The following ELK4 variants were observed in gnomAD, a reference collection of about 807,000 sequenced individuals.
The protein encoded by ELK4 is ETS domain-containing protein Elk-4.
In ELK4, 16 loss-of-function variants were observed where a neutral mutation model predicts 29.6. The ratio of observed to expected loss-of-function variants is 0.54; its 90% confidence interval spans 0.37 to 0.82. ELK4 has a LOEUF of 0.82. Ranked by LOEUF, ELK4 falls within the 40% of genes least tolerant of loss-of-function variation. ELK4 has a pLI of 0.00. For synonymous variants in ELK4, 213 were observed against 191.1 expected (o/e 1.11, Z -0.95); for missense variants, 465 against 507.1 (o/e 0.92, Z 0.80).
chr1:205,610,029 T>C lies in ELK4; in HGVS notation c.*6517A>G, dbSNP rs1376028245. 3 of 231,108 alleles carry C rather than the reference T, an allele frequency of 1.3e-5. No individual in the cohort carries two copies. Among genetic ancestry groups the C allele is most frequent in the East Asian group, 6.1e-5 (1 of 16,302 alleles). The allele number at this position is 231,108 out of a possible 1,614,324, so 14.3% of individuals were successfully genotyped here. A position where few individuals can be genotyped will look rare whatever the true frequency, so the allele number is the denominator to read the frequency against. ...ATTAAGTGCTTCCAGTTATTAAAAA[T>C]GAAACAGTGCTAATATTGGTGCCCA... On this transcript the variant is annotated 3_prime_UTR_variant, in exon 5 of 5. Transcript: ENST00000357992.
chr1:205,620,036 T>C lies in ELK4; in HGVS notation c.1010A>G (p.Asp337Gly), dbSNP rs760999673. The C allele has an allele frequency of 1.7e-5, 28 of 1,614,226 alleles. No homozygotes were observed. Among genetic ancestry groups the C allele is most frequent in the Non-Finnish European group, 2.3e-5 (27 of 1,180,042 alleles). Residue 337 changes from aspartate to glycine, a missense_variant, in exon 3 of 5, where the codon GAT (aspartate) becomes GGT (glycine). This residue lies in a region of ELK4 where 80 missense variants were observed against 119.6 expected (regional missense o/e 0.67). Coordinates refer to ENST00000357992, the MANE Select transcript of ELK4 (RefSeq NM_001973.4). ...LAPTLVITSS[D>G]PSPLGILSPS... ...GCTCAGTATTCCCAGTGGGCTTGGA[T>C]CACTGCTCGTGATCACAAGGGTGGG...
At chr1:205,622,024 G>A (rs1328903820) in intron 2 of ELK4, among the ~76,000 whole-genome samples, 20 of 151,888 alleles carry the variant, frequency 1.3e-4, no homozygotes, top group Admixed American at 7.9e-4. Flanking sequence ...CCAGCCTCCC[G>A]TAGAGATGGT....
chr1:205,620,099 GAATT>G lies in ELK4; in HGVS notation c.943_946del (p.Asn315HisfsTer10). The G allele has an allele frequency of 6.2e-7, 1 of 1,614,230 alleles. No homozygotes were observed. Among genetic ancestry groups the G allele is most frequent in the Non-Finnish European group, 8.5e-7 (1 of 1,180,038 alleles). On this transcript the variant is annotated frameshift_variant, in exon 3 of 5. Coordinates refer to ENST00000357992, the MANE Select transcript of ELK4 (RefSeq NM_001973.4). LOFTEE classifies it high-confidence loss of function. ...CCCTTTGGGTTTCTTGGATCTTGATGAATTATTTACTTTGTCCTTTTCTAGCAAG... is the reference window on the plus strand; with the variant it reads ...CCCTTTGGGTTTCTTGGATCTTGATGATTTACTTTGTCCTTTTCTAGCAAG...
intron 1 of ELK4, among the ~76,000 whole-genome samples, chr1:205,627,014 C>A (rs1284934517): frequency 2.0e-5 from 3 of 152,140 alleles, no homozygotes; most frequent in African/African-American, 7.2e-5. Flanking sequence ...ACCTTGAAAA[C>A]ATTATGCAAG....
chr1:205,625,031 C>CA lies in ELK4; in HGVS notation c.-9-1141dup, dbSNP rs551583596. Among the ~76,000 whole-genome samples the CA allele has an allele frequency of 8.9e-3, 1,333 of 149,102 alleles. 17 individuals carry two copies. Among genetic ancestry groups the CA allele is most frequent in the African/African-American group, 0.023 (938 of 40,610 alleles). On this transcript the variant is annotated intron_variant, in intron 1 of 4. Transcript: ENST00000357992. ...CTTATGATTGAATACTTCACACACA[C>CA]AAAAAAAAACAAAAACAAAAAACCT...
chr1:205,624,118 CCAGG>C (rs1246142523), intron 1 of ELK4, among the ~76,000 whole-genome samples: 1 of 152,042 alleles, frequency 6.6e-6, no homozygotes, highest in African/African-American at 2.4e-5. Context: ...AGATCTAAGC[CCAGG>C]CAATCTGGAC....
Position 205,614,126 on chromosome 1 carries a change from T to TCACACCTCTGAGAGGC in ELK4, c.*2404_*2419dup, listed in dbSNP as rs1670194698. 2 of 222,408 alleles carry TCACACCTCTGAGAGGC rather than the reference T, an allele frequency of 9.0e-6. No individual in the cohort carries two copies. The highest frequency in any genetic ancestry group is 5.8e-5 in the Admixed American group (1 of 17,380). The allele number at this position is 222,408 out of a possible 1,614,324, so 13.8% of individuals were successfully genotyped here. A position where few individuals can be genotyped will look rare whatever the true frequency, so the allele number is the denominator to read the frequency against. ...AGCAGATCACCAATCTGTGACAGCC[T>TCACACCTCTGAGAGGC]CACACCTCTGAGAGGCTATAGATTT... On this transcript the variant is annotated 3_prime_UTR_variant, in exon 5 of 5. Coordinates refer to ENST00000357992, the MANE Select transcript of ELK4 (RefSeq NM_001973.4).
intron 3 of ELK4, chr1:205,619,520 T>C: frequency 4.5e-6 from 5 of 1,107,568 alleles, no homozygotes; most frequent in Non-Finnish European, 5.5e-6. Context: ...TAAAATGTTC[T>C]ATGAGATGAG....
chr1:205,626,501 T>C (rs1480614867), intron 1 of ELK4, among the ~76,000 whole-genome samples: 1 of 151,852 alleles, frequency 6.6e-6, no homozygotes, highest in East Asian at 1.9e-4. Context: ...ACTACCTTTT[T>C]GGGGGGTAGT....
intron 4 of ELK4, among the ~76,000 whole-genome samples, chr1:205,618,629 G>T (rs902381295): frequency 1.3e-5 from 2 of 152,160 alleles, no homozygotes; most frequent in African/African-American, 4.8e-5. Flanking sequence ...TTGGAGACCA[G>T]TCTGGACAAC....
At chr1:205,626,139 G>GTCTA in intron 1 of ELK4, 1 of 717,376 alleles carries the variant, frequency 1.4e-6, no homozygotes, top group South Asian at 1.4e-5. Flanking sequence ...TGACCAAAGT[G>GTCTA]TCTACAGTCT....
At chr1:205,626,209 T>C in intron 1 of ELK4, 1 of 565,212 alleles carries the variant, frequency 1.8e-6, no homozygotes. Flanking sequence ...GTGGCCTCCC[T>C]TTCTTGACCT....
chr1:205,624,705 T>C (rs1023155327), intron 1 of ELK4, among the ~76,000 whole-genome samples: 1 of 152,200 alleles, frequency 6.6e-6, no homozygotes, highest in Admixed American at 6.5e-5. Flanking sequence ...TAATTCTTTG[T>C]TGTGGGAAGC....
Position 205,610,927 on chromosome 1 carries a change from T to C in ELK4, c.*5619A>G. 1 of 227,682 alleles carries C rather than the reference T, an allele frequency of 4.4e-6. No individual in the cohort carries two copies. The highest frequency in any genetic ancestry group is 8.7e-6 in the Non-Finnish European group (1 of 114,550). 14.1% of individuals were successfully genotyped at this position (227,682 alleles called of 1,614,324 possible). On this transcript the variant is annotated 3_prime_UTR_variant, in exon 5 of 5. Coordinates refer to ENST00000357992, the MANE Select transcript of ELK4 (RefSeq NM_001973.4). ...AGTAAAGTTTTCAACCTCATAAAAC[T>C]TCCTGATGTGGACTATACTCAAATG...
Position 205,623,818 on chromosome 1 carries a change from T to C in ELK4, c.65A>G (p.His22Arg), listed in dbSNP as rs774261284. The C allele has an allele frequency of 1.2e-6, 2 of 1,614,218 alleles. No homozygotes were observed. Among genetic ancestry groups the C allele is most frequent in the Non-Finnish European group, 1.7e-6 (2 of 1,180,036 alleles). The change falls in exon 2 of 5, where the codon CAC (histidine) becomes CGC (arginine). Residue 22 changes from histidine (H) to arginine (R), a missense_variant. By Grantham distance (29) the His-to-Arg change is conservative. Around this residue, in one of 2 missense-constraint regions of ELK4, gnomAD observed 385 missense variants for 387.5 expected, o/e 0.99. Transcript: ENST00000357992. Reference sequence around the variant, plus strand: ...ATCATTAGAGGTCCAACAGATCATGTGCTTGTTCTGAGGCTTCTGCAGGAG... The same window carrying C: ...ATCATTAGAGGTCCAACAGATCATGCGCTTGTTCTGAGGCTTCTGCAGGAG... Reference protein sequence around the residue: ...LQLLQKPQNKHMICWTSNDGQ... With the variant: ...LQLLQKPQNKRMICWTSNDGQ...
intron 1 of ELK4, among the ~76,000 whole-genome samples, chr1:205,627,235 C>T (rs987788317): frequency 3.3e-5 from 5 of 152,112 alleles, no homozygotes; most frequent in South Asian, 2.1e-4. Flanking sequence ...TTAGGCAGGG[C>T]GCAGTGGCTC....
In ELK4 at chr1:205,620,847, T is replaced by TAA. The variant is rs533252798; in HGVS notation, c.208-11_208-10dup. 1.5e-5 allele frequency: 20 copies of TAA among 1,373,974 alleles called. No homozygotes were observed. The highest frequency in any genetic ancestry group is 1.2e-4 in the African/African-American group (8 of 67,026). The allele number at this position is 1,373,974 out of a possible 1,614,324, so 85.1% of individuals were successfully genotyped here. A position where few individuals can be genotyped will look rare whatever the true frequency, so the allele number is the denominator to read the frequency against. ...ACTTTTTTGATGATATTCTGTAGGTTAAAAAAAAAAGCATTTTTATCCTTT... is the reference window on the plus strand; with the variant it reads ...ACTTTTTTGATGATATTCTGTAGGTTAAAAAAAAAAAAGCATTTTTATCCTTT... On this transcript the variant is annotated splice_polypyrimidine_tract_variant and intron_variant, in intron 2 of 4. Transcript: ENST00000357992.
chr1:205,619,849 C>T, intron 3 of ELK4, 117 bp downstream of exon 3: 1 of 1,606,852 alleles, frequency 6.2e-7, no homozygotes, highest in Non-Finnish European at 8.5e-7. Flanking sequence ...TCACACATAA[C>T]CTTTCTAAGA....
chr1:205,623,640 G>T, intron 2 of ELK4, 36 bp downstream of exon 2: 5 of 1,605,528 alleles, frequency 3.1e-6, no homozygotes, highest in African/African-American at 1.3e-5. Context: ...TTGTCTGGAG[G>T]TTCTCTGTAT....
Sources: allele counts gnomAD v4.1 joint callset (sites outside exome capture counted in the v4.1 genomes callset), GRCh38; gene constraint gnomAD v4.1.1; regional missense constraint gnomAD v4.1.1; transcripts MANE v1.5; gene names NCBI Gene and HGNC (gene_info 2026-07-23, HGNC 2026-07-21).